The following LRRC49 variants were observed in gnomAD, a reference collection of about 807,000 sequenced individuals.
LRRC49 encodes the protein leucine-rich repeat-containing protein 49.
In LRRC49, 50 loss-of-function variants were observed where a neutral mutation model predicts 83.3. The ratio of observed to expected loss-of-function variants is 0.60; its 90% CI spans 0.48 to 0.76. The LOEUF is 0.76. LRRC49 is among the 30% of genes least tolerant of loss of function. The probability of loss-of-function intolerance (pLI) is 0.00; values close to 1 mark genes in which losing one functional copy is unlikely to be tolerated. For missense variants in LRRC49, 704 were observed against 809.1 expected, an observed-to-expected ratio of 0.87 and a Z score of 1.58; for synonymous variants, 286 against 283.3, an observed-to-expected ratio of 1.01 and a Z score of -0.10.
intron 11 of LRRC49, among the ~76,000 whole-genome samples, chr15:70,991,228 A>T (rs543901795): frequency 6.6e-6 from 1 of 152,236 alleles, no homozygotes; most frequent in African/African-American, 2.4e-5. Context: ...TGCATTATCT[A>T]GACTCCACAT....
At chr15:70,885,269 A>G (rs966763262) in intron 2 of LRRC49, among the ~76,000 whole-genome samples, 1 of 152,210 alleles carries the variant, frequency 6.6e-6, no homozygotes, top group Admixed American at 6.5e-5. Flanking sequence ...GACATAGGGG[A>G]TAAGATTTAA....
chr15:70,865,515 G>T (rs1035753618), intron 1 of LRRC49, among the ~76,000 whole-genome samples: 1 of 152,134 alleles, frequency 6.6e-6, no homozygotes, highest in African/African-American at 2.4e-5. Flanking sequence ...ACAAAAACCA[G>T]GATCCAATTT....
At chr15:70,907,213 C>A (rs554637874) in intron 5 of LRRC49, among the ~76,000 whole-genome samples, 2 of 152,218 alleles carry the variant, frequency 1.3e-5, no homozygotes, top group African/African-American at 4.8e-5. Flanking sequence ...CTTGTTGCTT[C>A]CTGTTGGTCA....
intron 9 of LRRC49, among the ~76,000 whole-genome samples, chr15:70,973,309 A>T (rs1271712057): frequency 6.6e-6 from 1 of 152,154 alleles, no homozygotes; most frequent in Non-Finnish European, 1.5e-5. Flanking sequence ...TCACCAGCAG[A>T]TGCTGCAGAA....
chr15:70,940,156 A>C (rs954341418), intron 8 of LRRC49, among the ~76,000 whole-genome samples: 3 of 151,884 alleles, frequency 2.0e-5, no homozygotes, highest in Admixed American at 6.6e-5. Flanking sequence ...ATCTATTTCT[A>C]TTTAGGAAAC....
chr15:70,894,697 C>A, intron 2 of LRRC49: 2 of 1,029,572 alleles, frequency 1.9e-6, no homozygotes, highest in Non-Finnish European at 2.6e-6. Flanking sequence ...ATTAAATAGG[C>A]GTCACTGGAA....
chr15:71,031,197 C>G (rs140239358), intron 14 of LRRC49, among the ~76,000 whole-genome samples: 1 of 152,196 alleles, frequency 6.6e-6, no homozygotes, highest in East Asian at 1.9e-4. Context: ...GTGTGGGGAT[C>G]CTTTATGTTG....
chr15:71,043,294 G>A (rs919359711), intron 15 of LRRC49, among the ~76,000 whole-genome samples: 13 of 152,172 alleles, frequency 8.5e-5, no homozygotes, highest in African/African-American at 3.1e-4. Context: ...CCCCACTGTT[G>A]ACCTTCTTTT....
At chr15:70,920,593 A>G (rs770550332) in intron 7 of LRRC49, among the ~76,000 whole-genome samples, 1 of 152,210 alleles carries the variant, frequency 6.6e-6, no homozygotes, top group African/African-American at 2.4e-5. Context: ...TGGCCCTAGC[A>G]TATTCCTGCC....
chr15:70,997,729 C>T lies in LRRC49; in HGVS notation c.1170-10650C>T, dbSNP rs1046978158. Among the ~76,000 whole-genome samples, 9 of 152,194 alleles carry T rather than the reference C, an allele frequency of 5.9e-5. No homozygotes were observed. The East Asian group carries it at 7.7e-4, about 13-fold the overall frequency. On this transcript the variant is annotated intron_variant, in intron 11 of 15. Transcript: ENST00000260382. ...TTGTGCCATTGCACTCCAGCCTGGG[C>T]GACAGAGCATGACTCCATCTTGAAA...
intron 9 of LRRC49, 134 bp downstream of exon 9, chr15:70,964,066 T>C (rs2036707130): frequency 1.3e-6 from 1 of 770,064 alleles, no homozygotes; most frequent in African/African-American, 1.8e-5. Context: ...TACTTCATAA[T>C]TGCAATTATG....
At chr15:70,997,225 T>C (rs1176402941) in intron 11 of LRRC49, among the ~76,000 whole-genome samples, 1 of 152,228 alleles carries the variant, frequency 6.6e-6, no homozygotes, top group Non-Finnish European at 1.5e-5. Context: ...GTTAAGTGCA[T>C]ATACCTTTAT....
chr15:70,883,244 C>T (rs1274540560), intron 2 of LRRC49, among the ~76,000 whole-genome samples: 2 of 151,216 alleles, frequency 1.3e-5, no homozygotes, highest in East Asian at 1.9e-4. Flanking sequence ...CAAGCTGGAG[C>T]GCAATGGTGC....
intron 11 of LRRC49, among the ~76,000 whole-genome samples, chr15:70,987,091 A>T (rs548196753): frequency 6.6e-6 from 1 of 152,124 alleles, no homozygotes; most frequent in East Asian, 1.9e-4. Flanking sequence ...TTGGTCTAAA[A>T]TTCTCTTTTT....
intron 4 of LRRC49, among the ~76,000 whole-genome samples, chr15:70,901,838 A>C (rs1016163914): frequency 2.6e-5 from 4 of 152,188 alleles, no homozygotes; most frequent in Admixed American, 1.3e-4. Context: ...ATGGAAGAAT[A>C]TATTTAGAAC....
chr15:71,034,528 A>T (rs572549124), intron 14 of LRRC49, among the ~76,000 whole-genome samples: 1 of 152,376 alleles, frequency 6.6e-6, no homozygotes, highest in Admixed American at 6.5e-5. Context: ...CAATTCCATT[A>T]GTGGGTATAT....
chr15:70,866,271 T>C (rs1200796274), intron 1 of LRRC49, among the ~76,000 whole-genome samples: 1 of 152,024 alleles, frequency 6.6e-6, no homozygotes, highest in Non-Finnish European at 1.5e-5. Flanking sequence ...CTCAGCCTCC[T>C]AAGTTGCTGG....
At position 70,914,625 on chromosome 15, in the gene LRRC49, A is replaced by G. The variant is rs77269670; in HGVS notation, c.567+3027A>G. 1.8e-3 allele frequency among the ~76,000 whole-genome samples: 279 copies of G among 152,328 alleles called. 2 individuals carry two copies. The highest frequency in any genetic ancestry group is 6.6e-3 in the African/African-American group (275 of 41,570). On this transcript the variant is annotated intron_variant, in intron 6 of 15. Coordinates refer to ENST00000260382, the MANE Select transcript of LRRC49 (RefSeq NM_017691.5). ...GTAGAAACATCAAGACTTAGCAATT[A>G]ATTATATATGAGTAGTGAATACAGA...
At chr15:70,947,190 T>C (rs1331947748) in intron 8 of LRRC49, among the ~76,000 whole-genome samples, 1 of 152,174 alleles carries the variant, frequency 6.6e-6, no homozygotes, top group East Asian at 1.9e-4. Context: ...GATCTAAGAT[T>C]ATCTTAGGGA....
Sources: allele counts gnomAD v4.1 joint callset (sites outside exome capture counted in the v4.1 genomes callset), GRCh38; gene constraint gnomAD v4.1.1; transcripts MANE v1.5; gene names NCBI Gene and HGNC (gene_info 2026-07-23, HGNC 2026-07-21).